Variants in LRP1B observed in about 807,000 individuals in gnomAD.
LRP1B encodes low-density lipoprotein receptor-related protein 1B.
In LRP1B, 217 loss-of-function variants were observed where a neutral mutation model predicts 556.6. The observed-to-expected ratio is 0.39, with a 90% CI of 0.35 to 0.44. LRP1B has a LOEUF of 0.44. Among genes scored for constraint, LRP1B ranks in the 20% least tolerant of loss-of-function variants. LRP1B has a pLI of 1.00. For missense variants in LRP1B, 5,053 were observed against 5,620.8 expected, an observed-to-expected ratio of 0.90 and a Z score of 3.23; for synonymous variants, 2,047 against 1,865.8, an observed-to-expected ratio of 1.10 and a Z score of -2.50.
At chr2:141,065,218 C>G (rs1308830861) in intron 7 of LRP1B, among the ~76,000 whole-genome samples, 1 of 151,892 alleles carries the variant, frequency 6.6e-6, no homozygotes, top group East Asian at 1.9e-4. Flanking sequence ...ACTCATTGAG[C>G]CACTTCAGAG....
intron 31 of LRP1B, among the ~76,000 whole-genome samples, chr2:140,820,784 A>G (rs1835165): frequency 0.74 from 111,974 of 151,818 alleles, 44,084 homozygotes; most frequent in Non-Finnish European, 0.88. Context: ...ATATTTCCTT[A>G]TGTTAGATTT....
chr2:140,598,757 C>G lies in LRP1B; in HGVS notation c.7068G>C (p.Val2356=), dbSNP rs778062279. 5 of 1,612,898 alleles carry G rather than the reference C, an allele frequency of 3.1e-6. No individual in the cohort carries two copies. The highest frequency in any genetic ancestry group is 4.2e-6 in the Non-Finnish European group (5 of 1,179,020). ...GAGTGAGTATGTCTGTACTGACCAC[C>G]ACTTGAGCATTTTTCCCAGTCAGAG... ...RSTLTGKNAQ[V]VVSTDILTPN... Residue 2356 remains valine (V), a synonymous_variant, in exon 43 of 91, where the codon GTG becomes GTC. Coordinates refer to ENST00000389484, the MANE Select transcript of LRP1B (RefSeq NM_018557.3).
chr2:141,211,408 T>G (rs1349035495), intron 6 of LRP1B, among the ~76,000 whole-genome samples: 1 of 150,044 alleles, frequency 6.7e-6, no homozygotes, highest in Non-Finnish European at 1.5e-5. Flanking sequence ...GATCACGAGG[T>G]CAGGAGTTTG....
intron 3 of LRP1B, among the ~76,000 whole-genome samples, chr2:141,470,268 A>T (rs1014753591): frequency 6.6e-6 from 1 of 152,180 alleles, no homozygotes; most frequent in Non-Finnish European, 1.5e-5. Flanking sequence ...GTCAAAATGA[A>T]CAGTTCCCTT....
At chr2:141,420,106 G>C (rs1292726101) in intron 3 of LRP1B, among the ~76,000 whole-genome samples, 1 of 151,988 alleles carries the variant, frequency 6.6e-6, no homozygotes, top group Non-Finnish European at 1.5e-5. Flanking sequence ...ATGAAAGTGG[G>C]GTATAAAAAT....
intron 84 of LRP1B, among the ~76,000 whole-genome samples, chr2:140,287,418 G>T (rs1683191481): frequency 6.6e-6 from 1 of 151,526 alleles, no homozygotes; most frequent in Admixed American, 6.6e-5. Context: ...GTTAAATCAG[G>T]TGCCATTCAT....
intron 7 of LRP1B, among the ~76,000 whole-genome samples, chr2:141,131,759 A>C (rs1701364042): frequency 6.6e-6 from 1 of 151,962 alleles, no homozygotes; most frequent in Admixed American, 6.6e-5. Flanking sequence ...TCATCAAATC[A>C]GTTTAAAAAG....
intron 2 of LRP1B, among the ~76,000 whole-genome samples, chr2:141,532,347 A>G (rs751937727): frequency 1.3e-5 from 2 of 151,906 alleles, no homozygotes; most frequent in African/African-American, 2.4e-5. Flanking sequence ...GCTCTTAAGC[A>G]CAATCAGGCC....
chr2:140,832,261 A>G (rs1273202327), intron 31 of LRP1B, among the ~76,000 whole-genome samples: 2 of 152,100 alleles, frequency 1.3e-5, no homozygotes, highest in African/African-American at 4.8e-5. Flanking sequence ...CAATCTGAGT[A>G]TGTGTGGATT....
At chr2:140,995,488 A>T (rs1697218332) in intron 15 of LRP1B, among the ~76,000 whole-genome samples, 1 of 152,020 alleles carries the variant, frequency 6.6e-6, no homozygotes, top group Admixed American at 6.6e-5. Context: ...ACACAATACC[A>T]CTTTATATTT....
At chr2:140,739,766 C>T (rs552965282) in intron 35 of LRP1B, among the ~76,000 whole-genome samples, 4 of 152,118 alleles carry the variant, frequency 2.6e-5, no homozygotes, top group Non-Finnish European at 5.9e-5. Context: ...AAAATCTTCA[C>T]AATCTATACA....
At chr2:140,972,718 C>CAACAGTTTG (rs1558773997) in intron 18 of LRP1B, among the ~76,000 whole-genome samples, 1 of 151,000 alleles carries the variant, frequency 6.6e-6, no homozygotes, top group Non-Finnish European at 1.5e-5. Context: ...CTTGTTAAAA[C>CAACAGTTTG]AATAGTTTGT....
Position 141,617,327 on chromosome 2 carries a change from A to G in LRP1B, c.206-136794T>C, listed in dbSNP as rs1019462817. ...GTCAATTGCTATGTGTACTGTTGCTATGTAAGTCAAAGTGTTATGGAAAAT... is the reference window on the plus strand; with the variant it reads ...GTCAATTGCTATGTGTACTGTTGCTGTGTAAGTCAAAGTGTTATGGAAAAT... On this transcript the variant is annotated intron_variant, in intron 2 of 90. Coordinates refer to ENST00000389484, the MANE Select transcript of LRP1B (RefSeq NM_018557.3). Among the ~76,000 whole-genome samples, 7 of 152,354 alleles carry G rather than the reference A, an allele frequency of 4.6e-5. No individual in the cohort carries two copies. The East Asian group carries it at 1.3e-3, about 29-fold the overall frequency.
At position 141,453,984 on chromosome 2, in the gene LRP1B, A is replaced by G. The variant is rs948032527; in HGVS notation, c.343+26412T>C. 2.6e-5 allele frequency among the ~76,000 whole-genome samples: 4 copies of G among 152,204 alleles called. 1 individual carries two copies. The East Asian group carries it at 7.7e-4, about 29-fold the overall frequency. ...TCTGGTATCTATCACCTCATCCATT[A>G]TCTAAAGTTAATTTCTTTGAATGTT... is the stretch of plus-strand genomic sequence containing the variant. On this transcript the variant is annotated intron_variant, in intron 3 of 90. Transcript: ENST00000389484.
chr2:141,319,307 G>GTTTTTTTTTTTTTTTTTTTTTTTTTTTT (rs1370500448), intron 3 of LRP1B, among the ~76,000 whole-genome samples: 1 of 88,786 alleles, frequency 1.1e-5, no homozygotes, highest in African/African-American at 4.8e-5. Flanking sequence ...GTGTTTTTTT[G>GTTTTTTTTTTTTTTTTTTTTTTTTTTTT]TTGTTTTTTT....
intron 20 of LRP1B, among the ~76,000 whole-genome samples, chr2:140,923,393 A>T (rs1006859142): frequency 3.3e-5 from 5 of 152,106 alleles, no homozygotes; most frequent in African/African-American, 7.2e-5. Flanking sequence ...AAAATTTCTG[A>T]AAGTACTATG....
chr2:141,375,223 A>G (rs908814181), intron 3 of LRP1B, among the ~76,000 whole-genome samples: 1 of 152,098 alleles, frequency 6.6e-6, no homozygotes, highest in Non-Finnish European at 1.5e-5. Flanking sequence ...TTTTCTGAGG[A>G]CTTGGATGCC....
intron 3 of LRP1B, among the ~76,000 whole-genome samples, chr2:141,266,937 T>C (rs1684912040): frequency 6.6e-6 from 1 of 152,220 alleles, no homozygotes; most frequent in African/African-American, 2.4e-5. Flanking sequence ...AAATGTTTAC[T>C]TTAGCATAAT....
chr2:140,896,413 G>A (rs1473552055), intron 23 of LRP1B, among the ~76,000 whole-genome samples: 4 of 152,028 alleles, frequency 2.6e-5, no homozygotes, highest in African/African-American at 9.7e-5. Context: ...AGGGAAGAGT[G>A]TAGAGAAATA....
Sources: allele counts gnomAD v4.1 joint callset (sites outside exome capture counted in the v4.1 genomes callset), GRCh38; gene constraint gnomAD v4.1.1; transcripts MANE v1.5; gene names NCBI Gene and HGNC (gene_info 2026-07-23, HGNC 2026-07-21).